Variants in ARSB observed in about 807,000 individuals in gnomAD.
ARSB encodes arylsulfatase B.
A neutral mutation model predicts 50.9 loss-of-function variants in ARSB; 41 were observed. The ratio of observed to expected loss-of-function variants is 0.81; its 90% CI spans 0.63 to 1.04. ARSB has a LOEUF of 1.04. Among genes scored for constraint, ARSB ranks in the 50% least tolerant of loss-of-function variants. The pLI, the probability that ARSB is intolerant of heterozygous loss-of-function variation, is 0.00. For missense variants in ARSB, 672 were observed against 693.3 expected, an observed-to-expected ratio of 0.97 and a Z score of 0.35; for synonymous variants, 269 against 284.8, an observed-to-expected ratio of 0.94 and a Z score of 0.56.
chr5:78,866,242 C>T (rs911455776), intron 5 of ARSB, among the ~76,000 whole-genome samples: 1 of 152,090 alleles, frequency 6.6e-6, no homozygotes, highest in African/African-American at 2.4e-5. Context: ...TGGTGGAAGG[C>T]AAGGAGGAGC....
At chr5:78,883,893 CATTA>C (rs1200935396) in intron 5 of ARSB, 3 of 152,070 alleles carry the variant, frequency 2.0e-5, no homozygotes, top group Non-Finnish European at 4.4e-5. Context: ...TATTTTTTAA[CATTA>C]ATTATTAATT....
intron 5 of ARSB, among the ~76,000 whole-genome samples, chr5:78,853,117 G>C (rs910700358): frequency 2.6e-5 from 4 of 152,220 alleles, no homozygotes; most frequent in Non-Finnish European, 5.9e-5. Flanking sequence ...CGTTCCTTTG[G>C]AAGAGGAGAG....
At chr5:78,950,081 A>C (rs1369159611) in intron 4 of ARSB, among the ~76,000 whole-genome samples, 1 of 152,214 alleles carries the variant, frequency 6.6e-6, no homozygotes, top group African/African-American at 2.4e-5. Context: ...ACTCCAGGTC[A>C]GATTCCTGTG....
At chr5:78,890,261 T>TTC (rs1422440394) in intron 4 of ARSB, among the ~76,000 whole-genome samples, 1 of 151,146 alleles carries the variant, frequency 6.6e-6, no homozygotes, top group African/African-American at 2.4e-5. Context: ...CTTTTTTTTT[T>TTC]TTTTTTTGAG....
intron 5 of ARSB, among the ~76,000 whole-genome samples, chr5:78,867,202 G>A (rs1285109944): frequency 2.6e-5 from 4 of 152,212 alleles, no homozygotes; most frequent in Non-Finnish European, 5.9e-5. Flanking sequence ...TAGCACAGCA[G>A]TCTGAGATCA....
rs1373201999 is a variant in ARSB at position 78,885,570 on chromosome 5, C to A, written c.1142+14G>T. On this transcript the variant is annotated intron_variant, in intron 5 of 7. Coordinates refer to ENST00000264914, the MANE Select transcript of ARSB (RefSeq NM_000046.5). ...GTTTCTGTCCTGGGAGGAAAAAGGG[C>A]AGGGTGTAGGTACCTGATGGTTTTC... 1 of 1,612,038 alleles carries A rather than the reference C, an allele frequency of 6.2e-7. No homozygotes were observed. Among genetic ancestry groups the A allele is most frequent in the African/African-American group, 1.3e-5 (1 of 74,884 alleles).
At chr5:78,968,592 G>A (rs771753755) in intron 2 of ARSB, among the ~76,000 whole-genome samples, 4 of 152,044 alleles carry the variant, frequency 2.6e-5, no homozygotes, top group South Asian at 2.1e-4. Context: ...CTCGTGATCC[G>A]CCTGCTTCGG....
chr5:78,876,015 T>C (rs1213458274), intron 5 of ARSB, among the ~76,000 whole-genome samples: 2 of 152,166 alleles, frequency 1.3e-5, no homozygotes, highest in Non-Finnish European at 1.5e-5. Context: ...TTCTTTCATA[T>C]GAAAAATTTG....
At chr5:78,954,874 A>G (rs1260714534) in intron 4 of ARSB, among the ~76,000 whole-genome samples, 1 of 152,144 alleles carries the variant, frequency 6.6e-6, no homozygotes. Context: ...TGGCTCCATT[A>G]TTTGTCTTCA....
chr5:78,927,068 A>T (rs1750087455), intron 4 of ARSB, among the ~76,000 whole-genome samples: 2 of 152,138 alleles, frequency 1.3e-5, no homozygotes. Context: ...CTTTTTGTAC[A>T]GATGGGGTTT....
rs759797329 is a variant in ARSB, at chr5:78,969,072, T to C, written c.433A>G (p.Lys145Glu). The change falls in exon 2 of 8, where the codon AAA becomes GAA. Residue 145 changes from lysine to glutamate, a missense_variant. Lys to Glu is a moderately conservative substitution (Grantham distance 56). Coordinates refer to ENST00000264914, the MANE Select transcript of ARSB (RefSeq NM_000046.5). ...TTCCGGTACATTCCCAGGTGCCATT[T>C]TCCGACCATATGGGTAGTATAACCT... ...EAGYTTHMVG[K>E]WHLGMYRKEC... 6.2e-7 allele frequency: 1 copy of C among 1,614,216 alleles called. No homozygotes were observed.
At chr5:78,816,641 A>G (rs1232285190) in intron 6 of ARSB, among the ~76,000 whole-genome samples, 1 of 152,164 alleles carries the variant, frequency 6.6e-6, no homozygotes, top group Non-Finnish European at 1.5e-5. Context: ...AAAGTAGGGA[A>G]TTTTCTCCAG....
intron 6 of ARSB, chr5:78,816,118 TAA>T (rs777646881): frequency 6.2e-7 from 1 of 1,614,166 alleles, no homozygotes; most frequent in Admixed American, 1.7e-5. Flanking sequence ...GGCCAGTCTG[TAA>T]AACACACAAA....
At chr5:78,943,456 C>G (rs376117662) in intron 4 of ARSB, among the ~76,000 whole-genome samples, 2 of 152,172 alleles carry the variant, frequency 1.3e-5, no homozygotes, top group East Asian at 3.8e-4. Flanking sequence ...TTCAGGAGCT[C>G]TTGCAGGGCA....
intron 5 of ARSB, among the ~76,000 whole-genome samples, chr5:78,873,077 A>C (rs1286828236): frequency 6.6e-6 from 1 of 152,170 alleles, no homozygotes; most frequent in African/African-American, 2.4e-5. Context: ...GCAAATGAAA[A>C]CATTCTCCTA....
rs1752124707 is a variant in ARSB, at chr5:78,964,482, A to T, written c.624T>A (p.Asn208Lys). The T allele has an allele frequency of 6.2e-7, 1 of 1,613,948 alleles. No individual in the cohort carries two copies. Among genetic ancestry groups the T allele is most frequent in the African/African-American group, 1.3e-5 (1 of 74,924 alleles). ...DGEEVATGYK[N>K]MYSTNIFTKR... Reference sequence around the variant, plus strand: ...TGGTGAATATGTTTGTTGAATACATATTTTTATATCCTGTTGCAACTTCTT... The same window carrying T: ...TGGTGAATATGTTTGTTGAATACATTTTTTTATATCCTGTTGCAACTTCTT... Residue 208 changes from asparagine (N) to lysine (K), a missense_variant, in exon 3 of 8, where the codon AAT becomes AAA. Transcript: ENST00000264914.
rs61670415 is a variant in ARSB, at chr5:78,803,542, C to T, written c.1214-21568G>A. 5.9e-3 allele frequency among the ~76,000 whole-genome samples: 900 copies of T among 152,278 alleles called. 11 individuals are homozygous for T. The highest frequency in any genetic ancestry group is 0.02 in the African/African-American group (838 of 41,528). ...GACTGCCAAAGGGAGCAGACAGAGC[C>T]CTGGCCTTGGTCCACTGGGGCCTGC... On this transcript the variant is annotated intron_variant, in intron 6 of 7. Coordinates refer to ENST00000264914, the MANE Select transcript of ARSB (RefSeq NM_000046.5).
intron 4 of ARSB, among the ~76,000 whole-genome samples, chr5:78,906,756 C>T (rs1349256589): frequency 6.6e-6 from 1 of 152,130 alleles, no homozygotes; most frequent in Non-Finnish European, 1.5e-5. Flanking sequence ...AGTTTTTAAT[C>T]AATGAGAAAG....
chr5:78,800,859 G>A (rs1047768239), intron 6 of ARSB, among the ~76,000 whole-genome samples: 1 of 152,178 alleles, frequency 6.6e-6, no homozygotes, highest in Non-Finnish European at 1.5e-5. Context: ...CAGAGAAGGT[G>A]AGACTTAGGG....
Sources: gnomAD v4.1 joint callset for allele counts (sites outside exome capture counted in the v4.1 genomes callset) on GRCh38, gnomAD v4.1.1 for gene constraint, MANE v1.5 for transcripts, NCBI Gene and HGNC (gene_info 2026-07-23, HGNC 2026-07-21) for gene names.